The following TMEM120A variants were observed in gnomAD, a reference collection of about 807,000 sequenced individuals.
TMEM120A encodes ion channel TACAN.
A neutral mutation model predicts 54.3 loss-of-function variants in TMEM120A; 45 were observed. That is an observed-to-expected ratio of 0.83 (90% confidence interval 0.65 to 1.06). The LOEUF (loss-of-function observed/expected upper bound fraction) is 1.06, where lower values mean the gene tolerates loss of function less well. TMEM120A is among the 50% of genes least tolerant of loss of function. The pLI is 0.00. For missense variants in TMEM120A, 424 were observed against 441.7 expected (o/e 0.96, Z 0.36); for synonymous variants, 204 against 178.5 (o/e 1.14, Z -1.14).
chr7:75,986,919 C>T lies in TMEM120A; in HGVS notation c.*253G>A, dbSNP rs1297850098. 3.4e-6 allele frequency: 2 copies of T among 593,650 alleles called. No homozygotes were observed. The highest frequency in any genetic ancestry group is 1.9e-5 in the African/African-American group (1 of 53,802). 36.8% of individuals were successfully genotyped at this position (593,650 alleles called of 1,614,324 possible). On this transcript the variant is annotated 3_prime_UTR_variant, in exon 12 of 12. Coordinates refer to ENST00000493111, the MANE Select transcript of TMEM120A (RefSeq NM_031925.3). ...CTGCATCAACTTAACTAACTCAGACCCCAGGAACCCATGTGGTGGGGCCAC... is the reference window on the plus strand; with the variant it reads ...CTGCATCAACTTAACTAACTCAGACTCCAGGAACCCATGTGGTGGGGCCAC...
At position 75,987,098 on chromosome 7, in the gene TMEM120A, GA is replaced by G. The variant is rs1554559814; in HGVS notation, c.*73del. 2.3e-6 allele frequency: 3 copies of G among 1,280,386 alleles called. No homozygotes were observed. In the South Asian group the frequency reaches 3.8e-5, roughly 16 times the overall value. 79.3% of individuals were successfully genotyped at this position (1,280,386 alleles called of 1,614,324 possible). A position where few individuals can be genotyped will look rare whatever the true frequency, so the allele number is the denominator to read the frequency against. The stretch of plus-strand genomic sequence containing the variant: ...GAGACCCCCTGATACACGCACACTC[GA>G]GGGGCGCCTCCCATCCCCTCCCACA... On this transcript the variant is annotated 3_prime_UTR_variant, in exon 12 of 12. Transcript: ENST00000493111.
At position 75,993,083 on chromosome 7, in the gene TMEM120A, T is replaced by C. The variant is rs549846858; in HGVS notation, c.82-526A>G. Among the ~76,000 whole-genome samples, 7 of 152,296 alleles carry C rather than the reference T, an allele frequency of 4.6e-5. 1 individual carries two copies. The highest frequency in any genetic ancestry group is 4.6e-4 in the Admixed American group (7 of 15,306). ...TCCCAAAGTGCTGGGATTACAGGCATAAGCCACCGCACCCAGCCAAGGTTT... is the reference window on the plus strand; with the variant it reads ...TCCCAAAGTGCTGGGATTACAGGCACAAGCCACCGCACCCAGCCAAGGTTT... On this transcript the variant is annotated intron_variant, in intron 1 of 11. Transcript: ENST00000493111.
chr7:75,989,038 G>GGGAAGGCT, intron 4 of TMEM120A, 127 bp downstream of exon 4: 7 of 306,260 alleles, frequency 2.3e-5, no homozygotes, highest in Admixed American at 8.7e-5. Flanking sequence ...GCCGGGTTGG[G>GGGAAGGCT]GGGTGGAGGG....
At chr7:75,993,714 AG>A (rs2116678033) in intron 1 of TMEM120A, among the ~76,000 whole-genome samples, 1 of 152,232 alleles carries the variant, frequency 6.6e-6, no homozygotes, top group East Asian at 1.9e-4. Context: ...CATGCCCAGG[AG>A]GGGTCACCAC....
rs782492914 is a variant in TMEM120A, at chr7:75,992,383, C to A, written c.200+56G>T. ...AGGGGCGGTGCCCAGGGTCTCACAG[C>A]GCCAGCCCTCCCACCCCACACTCTG... On this transcript the variant is annotated intron_variant, in intron 2 of 11. Transcript: ENST00000493111. 9.6e-6 allele frequency: 15 copies of A among 1,567,412 alleles called. No homozygotes were observed. In the African/African-American group the frequency reaches 1.9e-4, roughly 20 times the overall value.
intron 1 of TMEM120A, among the ~76,000 whole-genome samples, chr7:75,994,186 C>T (rs1423695520): frequency 1.3e-5 from 2 of 152,218 alleles, no homozygotes; most frequent in African/African-American, 2.4e-5. Flanking sequence ...TGGGCCCGCC[C>T]GTGTGTGACT....
chr7:75,994,295 C>G (rs1789969144), intron 1 of TMEM120A, among the ~76,000 whole-genome samples, 195 bp downstream of exon 1: 1 of 152,120 alleles, frequency 6.6e-6, no homozygotes, highest in South Asian at 2.1e-4. Flanking sequence ...GATGGGGTCC[C>G]GCCGGGGTTC....
intron 1 of TMEM120A, among the ~76,000 whole-genome samples, chr7:75,994,272 G>C (rs1554562615): frequency 6.6e-6 from 1 of 152,178 alleles, no homozygotes; most frequent in African/African-American, 2.4e-5. Flanking sequence ...TGGAAGCCGA[G>C]GTCGCCCAGC....
chr7:75,988,222 C>T lies in TMEM120A; in HGVS notation c.563+30G>A, dbSNP rs782080464. The T allele has an allele frequency of 2.5e-6, 4 of 1,611,808 alleles. No individual in the cohort carries two copies. The African/African-American group carries it at 4.0e-5, about 16-fold the overall frequency. ...GAGGGTCCTGGCACCCCATTCCATG[C>T]TCCCCTCCCTCAGGGCCCGCCCTGC... is the stretch of plus-strand genomic sequence containing the variant. On this transcript the variant is annotated intron_variant, in intron 6 of 11. Transcript: ENST00000493111.
chr7:75,987,641 CAG>C (rs2116649686), intron 9 of TMEM120A, 39 bp from the exon 10 acceptor site: 8 of 1,605,014 alleles, frequency 5.0e-6, no homozygotes, highest in African/African-American at 1.3e-5. Context: ...CGGCCAGGGA[CAG>C]AGGGGACGCT....
chr7:75,987,870 G>A (rs989495861), intron 8 of TMEM120A, 53 bp downstream of exon 8: 169 of 1,598,096 alleles, frequency 1.1e-4, no homozygotes, highest in Admixed American at 1.7e-4. Flanking sequence ...CCCTGCCCCT[G>A]CCCCCCACCA....
chr7:75,988,308 G>C lies in TMEM120A; in HGVS notation c.507C>G (p.Val169=). The part of the protein sequence containing the change: ...VTDAAFNFLL[V]WYYCTLTIRE... The stretch of plus-strand genomic sequence containing the variant: ...GGATGGTCAGGGTGCAGTAGTACCA[G>C]ACCAGCAGGAAGTTGAAGGCAGCAT... The change falls in exon 6 of 12, where the codon GTC becomes GTG. Residue 169 remains valine, a synonymous_variant. Coordinates refer to ENST00000493111, the MANE Select transcript of TMEM120A (RefSeq NM_031925.3). 6.2e-7 allele frequency: 1 copy of C among 1,609,576 alleles called. No homozygotes were observed. Among genetic ancestry groups the C allele is most frequent in the South Asian group, 1.1e-5 (1 of 90,970 alleles).
At position 75,987,094 on chromosome 7, in the gene TMEM120A, A is replaced by C; in HGVS notation, c.*78T>G. On this transcript the variant is annotated 3_prime_UTR_variant, in exon 12 of 12. Transcript: ENST00000493111. ...AGAAGAGACCCCCTGATACACGCAC[A>C]CTCGAGGGGCGCCTCCCATCCCCTC... 3 of 1,205,798 alleles carry C rather than the reference A, an allele frequency of 2.5e-6. No homozygotes were observed. Among genetic ancestry groups the C allele is most frequent in the Non-Finnish European group, 3.6e-6 (3 of 834,246 alleles). 74.7% of individuals were successfully genotyped at this position (1,205,798 alleles called of 1,614,324 possible). A position where few individuals can be genotyped will look rare whatever the true frequency, so the allele number is the denominator to read the frequency against.
rs1192644756 is a variant in TMEM120A at position 75,987,459 on chromosome 7, G to C, written c.850-31C>G. 5 of 1,560,600 alleles carry C rather than the reference G, an allele frequency of 3.2e-6. No homozygotes were observed. In the East Asian group the frequency reaches 1.2e-4, roughly 37 times the overall value. ...CAGGGAGGAGGCATTTTACTCAGAA[G>C]ACCCAGTCCCTGCTGGAGCCCGAAA... is the stretch of plus-strand genomic sequence containing the variant. On this transcript the variant is annotated intron_variant, in intron 10 of 11. Transcript: ENST00000493111.
At chr7:75,988,378 G>A (rs367807607) in intron 5 of TMEM120A, 37 bp from the exon 6 acceptor site, 48 of 1,584,196 alleles carry the variant, frequency 3.0e-5, no homozygotes, top group East Asian at 2.0e-4. Flanking sequence ...GTACTGCAGC[G>A]ACTGGGGATG....
chr7:75,990,331 C>CA (rs1554561589), intron 3 of TMEM120A, among the ~76,000 whole-genome samples: 1 of 152,028 alleles, frequency 6.6e-6, no homozygotes, highest in Admixed American at 6.6e-5. Context: ...AGCACTGTGC[C>CA]GGGAGCACTC....
chr7:75,988,541 G>C, intron 4 of TMEM120A, 25 bp from the exon 5 acceptor site: 1 of 1,565,070 alleles, frequency 6.4e-7, no homozygotes, highest in Non-Finnish European at 8.7e-7. Flanking sequence ...CCGGTGAGAC[G>C]GGTGGGGTGC....
chr7:75,992,698 C>T lies in TMEM120A; in HGVS notation c.82-141G>A, dbSNP rs1385996662. 4.7e-6 allele frequency: 3 copies of T among 639,728 alleles called. No homozygotes were observed. In the Admixed American group the frequency reaches 8.7e-5, roughly 18 times the overall value. 39.6% of individuals were successfully genotyped at this position (639,728 alleles called of 1,614,324 possible). A position where few individuals can be genotyped will look rare whatever the true frequency, so the allele number is the denominator to read the frequency against. On this transcript the variant is annotated intron_variant, in intron 1 of 11. Coordinates refer to ENST00000493111, the MANE Select transcript of TMEM120A (RefSeq NM_031925.3). ...GAAAGGAGGTAGAACTGTGCCTGCC[C>T]AGGGATGAGGTGGCTGTCTCCCCAA...
At position 75,987,179 on chromosome 7, in the gene TMEM120A, T is replaced by A. The variant is rs1554559868; in HGVS notation, c.1025A>T (p.Lys342Met). The A allele has an allele frequency of 6.3e-7, 1 of 1,599,442 alleles. No homozygotes were observed. Among genetic ancestry groups the A allele is most frequent in the Non-Finnish European group, 8.5e-7 (1 of 1,174,052 alleles). The change falls in exon 12 of 12, where the codon AAG becomes ATG. Residue 342 changes from lysine (K) to methionine (M), a missense_variant. Lys to Met is a moderately conservative substitution (Grantham distance 95). Transcript: ENST00000493111. ...KFHSQRHGSKKD is the reference protein window; with the variant it reads ...KFHSQRHGSKMD ...GCAGGGGAAGGCCCAGCCTCAATCC[T>A]TCTTGCTCCCGTGCCGCTGACTGTG...
Sources: gnomAD v4.1 joint callset for allele counts (sites outside exome capture counted in the v4.1 genomes callset) on GRCh38, gnomAD v4.1.1 for gene constraint, MANE v1.5 for transcripts, NCBI Gene and HGNC (gene_info 2026-07-23, HGNC 2026-07-21) for gene names.